The following EIF4EBP1 variants were observed in gnomAD, a reference collection of about 807,000 sequenced individuals.
The protein encoded by EIF4EBP1 is eukaryotic translation initiation factor 4E binding protein 1.
Under a neutral mutation model 9.2 loss-of-function variants are expected in EIF4EBP1, and 5 were observed. The observed-to-expected ratio is 0.54, with a 90% CI of 0.28 to 1.14. The LOEUF (loss-of-function observed/expected upper bound fraction) is 1.14, where lower values mean the gene tolerates loss of function less well. Ranked by LOEUF, EIF4EBP1 falls within the 50% of genes most tolerant of loss-of-function variation. The pLI is 0.09. For missense variants in EIF4EBP1, 139 were observed against 169.6 expected, an observed-to-expected ratio of 0.82 and a Z score of 1.00; for synonymous variants, 62 against 67.0, an observed-to-expected ratio of 0.93 and a Z score of 0.36.
rs751365951 is a variant in EIF4EBP1, at chr8:38,030,680, C to T, written c.107C>T (p.Thr36Met). Residue 36 changes from threonine to methionine, a missense_variant, in exon 1 of 3, where the codon ACG becomes ATG. By Grantham distance (81) the Thr-to-Met change is moderately conservative. Transcript: ENST00000338825. The part of the protein sequence containing the change: ...GVQLPPGDYS[T>M]TPGGTLFSTT... ...CAGCTCCCGCCCGGGGACTACAGCA[C>T]GACCCCCGGCGGCACGCTCTTCAGC... is the stretch of plus-strand genomic sequence containing the variant. 19 of 1,482,486 alleles carry T rather than the reference C, an allele frequency of 1.3e-5. No individual in the cohort carries two copies. The South Asian group carries it at 2.4e-4, about 19-fold the overall frequency. 91.8% of individuals were successfully genotyped at this position (1,482,486 alleles called of 1,614,324 possible).
At chr8:38,057,912 T>C (rs1585532994) in intron 2 of EIF4EBP1, among the ~76,000 whole-genome samples, 1 of 152,026 alleles carries the variant, frequency 6.6e-6, no homozygotes, top group Non-Finnish European at 1.5e-5. Context: ...CTTGGCAGAG[T>C]GTTGGAGTTC....
intron 1 of EIF4EBP1, among the ~76,000 whole-genome samples, chr8:38,040,353 T>A (rs1563415166): frequency 6.6e-6 from 1 of 152,210 alleles, no homozygotes; most frequent in Non-Finnish European, 1.5e-5. Flanking sequence ...AATCTGATGG[T>A]TATGCCCATG....
At position 38,057,160 on chromosome 8, in the gene EIF4EBP1, G is replaced by T. The variant is rs146723376; in HGVS notation, c.225G>T (p.Leu75=). ...TGACCAAAACACCCCCAAGGGATCT[G>T]CCCACCATTCCGGGGGTCACCAGCC... ...SPVTKTPPRD[L]PTIPGVTSPS... is the part of the protein sequence containing the mutation. Residue 75 remains leucine (L), a synonymous_variant, in exon 2 of 3, where the codon CTG becomes CTT. Coordinates refer to ENST00000338825, the MANE Select transcript of EIF4EBP1 (RefSeq NM_004095.4). The T allele has an allele frequency of 7.9e-5, 128 of 1,614,144 alleles. No individual in the cohort carries two copies. The highest frequency in any genetic ancestry group is 1.6e-4 in the Middle Eastern group (1 of 6,084).
At chr8:38,033,743 CTTTT>C (rs34809551) in intron 1 of EIF4EBP1, among the ~76,000 whole-genome samples, 2 of 104,278 alleles carry the variant, frequency 1.9e-5, no homozygotes, top group Non-Finnish European at 3.6e-5. Flanking sequence ...GTTTGCTTTC[CTTTT>C]TTTTTTTTTT....
intron 1 of EIF4EBP1, among the ~76,000 whole-genome samples, chr8:38,042,425 G>A (rs556517106): frequency 3.3e-4 from 51 of 152,304 alleles, no homozygotes; most frequent in African/African-American, 1.2e-3. Flanking sequence ...GGTAGAGTGG[G>A]CCTGCCTTAG....
intron 1 of EIF4EBP1, among the ~76,000 whole-genome samples, chr8:38,034,513 T>C (rs765561368): frequency 1.7e-4 from 26 of 152,206 alleles, no homozygotes; most frequent in Non-Finnish European, 3.1e-4. Flanking sequence ...AAACAGCTCA[T>C]TAGCCAGCAG....
chr8:38,056,626 T>G (rs1427224553), intron 1 of EIF4EBP1, among the ~76,000 whole-genome samples: 3 of 149,354 alleles, frequency 2.0e-5, no homozygotes. Flanking sequence ...GAGTTCTGGG[T>G]GGCAGCCAGG....
At chr8:38,045,940 C>G (rs1256269680) in intron 1 of EIF4EBP1, among the ~76,000 whole-genome samples, 1 of 151,830 alleles carries the variant, frequency 6.6e-6, no homozygotes, top group East Asian at 1.9e-4. Context: ...GAGTCTTGCT[C>G]TGTCACCCAA....
At chr8:38,050,592 C>T (rs1271115649) in intron 1 of EIF4EBP1, among the ~76,000 whole-genome samples, 1 of 152,108 alleles carries the variant, frequency 6.6e-6, no homozygotes, top group Non-Finnish European at 1.5e-5. Context: ...TCAAGCAATC[C>T]GCCTGCCTCG....
At chr8:38,051,455 A>T (rs73674122) in intron 1 of EIF4EBP1, among the ~76,000 whole-genome samples, 1 of 152,028 alleles carries the variant, frequency 6.6e-6, no homozygotes, top group Non-Finnish European at 1.5e-5. Flanking sequence ...TCTTGAAGTC[A>T]CTTTGATCCT....
At chr8:38,039,322 A>G (rs1809345744) in intron 1 of EIF4EBP1, among the ~76,000 whole-genome samples, 1 of 151,490 alleles carries the variant, frequency 6.6e-6, no homozygotes, top group South Asian at 2.1e-4. Context: ...GTCCAACTGT[A>G]GGCTAATGTA....
At chr8:38,036,290 C>T (rs1340101409) in intron 1 of EIF4EBP1, among the ~76,000 whole-genome samples, 1 of 151,950 alleles carries the variant, frequency 6.6e-6, no homozygotes, top group Non-Finnish European at 1.5e-5. Context: ...AAGCAGATCA[C>T]CTGAGGTCAG....
rs548315952 is a variant in EIF4EBP1 at position 38,032,276 on chromosome 8, GC to G, written c.145+1560del. On this transcript the variant is annotated intron_variant, in intron 1 of 2. Coordinates refer to ENST00000338825, the MANE Select transcript of EIF4EBP1 (RefSeq NM_004095.4). ...ACCTGTAATGCCAGCATTTTGGGGA[GC>G]CAAGGCAGGAGAATTGCTTGAGGCC... Among the ~76,000 whole-genome samples the G allele has an allele frequency of 4.2e-4, 60 of 144,284 alleles. 2 individuals are homozygous for G. The South Asian group carries it at 0.013, about 30-fold the overall frequency. The allele number at this position is 144,284 out of a possible 152,430, so 94.7% of individuals were successfully genotyped here.
At chr8:38,032,569 A>G (rs1809240170) in intron 1 of EIF4EBP1, among the ~76,000 whole-genome samples, 1 of 152,194 alleles carries the variant, frequency 6.6e-6, no homozygotes, top group Admixed American at 6.5e-5. Context: ...GGAAGTGGGG[A>G]GTGGGCAGGG....
chr8:38,033,741 T>TC (rs1809258665), intron 1 of EIF4EBP1, among the ~76,000 whole-genome samples: 1 of 116,990 alleles, frequency 8.5e-6, no homozygotes, highest in Non-Finnish European at 1.7e-5. Flanking sequence ...CAGTTTGCTT[T>TC]CCTTTTTTTT....
At chr8:38,052,539 G>A (rs1164520561) in intron 1 of EIF4EBP1, among the ~76,000 whole-genome samples, 1 of 151,992 alleles carries the variant, frequency 6.6e-6, no homozygotes, top group African/African-American at 2.4e-5. Context: ...GACCTGCCTG[G>A]CCAACATGGC....
chr8:38,047,643 C>T (rs982469224), intron 1 of EIF4EBP1, among the ~76,000 whole-genome samples: 1 of 152,060 alleles, frequency 6.6e-6, no homozygotes, highest in African/African-American at 2.4e-5. Flanking sequence ...TGCCACCACG[C>T]CCAGCTAATT....
chr8:38,044,647 C>T (rs1437628750), intron 1 of EIF4EBP1, among the ~76,000 whole-genome samples: 3 of 152,154 alleles, frequency 2.0e-5, no homozygotes, highest in Non-Finnish European at 2.9e-5. Context: ...ACTGTGTTGC[C>T]CAGGCTGGTC....
chr8:38,051,277 G>C (rs1229568047), intron 1 of EIF4EBP1, among the ~76,000 whole-genome samples: 1 of 152,154 alleles, frequency 6.6e-6, no homozygotes, highest in Non-Finnish European at 1.5e-5. Flanking sequence ...TCCTCCCCAT[G>C]AGATCGTTGA....
Sources: allele counts gnomAD v4.1 joint callset (sites outside exome capture counted in the v4.1 genomes callset), GRCh38; gene constraint gnomAD v4.1.1; transcripts MANE v1.5; gene names NCBI Gene and HGNC (gene_info 2026-07-23, HGNC 2026-07-21).